SLC4A10: variants seen among roughly 807,000 people sequenced by gnomAD.
SLC4A10 encodes sodium-driven chloride bicarbonate exchanger.
SLC4A10 carries 42 observed loss-of-function variants against 137.7 expected under a neutral mutation model. The ratio of observed to expected loss-of-function variants is 0.30; its 90% CI spans 0.24 to 0.39. The LOEUF is 0.39. Among genes scored for constraint, SLC4A10 ranks in the 10% least tolerant of loss-of-function variants. The pLI is 1.00. For missense variants in SLC4A10, 925 were observed against 1,355.0 expected, an observed-to-expected ratio of 0.68 and a Z score of 4.98; for synonymous variants, 474 against 464.1, an observed-to-expected ratio of 1.02 and a Z score of -0.27.
At chr2:161,626,999 T>G (rs2032520894) in intron 1 of SLC4A10, among the ~76,000 whole-genome samples, 1 of 152,130 alleles carries the variant, frequency 6.6e-6, no homozygotes, top group Non-Finnish European at 1.5e-5. Flanking sequence ...TTATTTGTTA[T>G]ATGATATTGG....
chr2:161,937,642 T>C (rs776347794), intron 15 of SLC4A10, among the ~76,000 whole-genome samples: 1 of 152,212 alleles, frequency 6.6e-6, no homozygotes, highest in East Asian at 1.9e-4. Flanking sequence ...ATTTCTCTCC[T>C]GCATTTAAAG....
chr2:161,716,559 G>C (rs896476579), intron 1 of SLC4A10, among the ~76,000 whole-genome samples: 1 of 151,696 alleles, frequency 6.6e-6, no homozygotes, highest in Non-Finnish European at 1.5e-5. Flanking sequence ...TTATTAAATA[G>C]GGAATCCTTT....
At position 161,958,549 on chromosome 2, in the gene SLC4A10, A is replaced by G. The variant is rs749922088; in HGVS notation, c.2856A>G (p.Gly952=). The change falls in exon 21 of 27, where the codon GGA becomes GGG. Residue 952 remains glycine (G), a synonymous_variant. Transcript: ENST00000446997. ...ATATGGGTGCTTCATCTCTAAAGGG[A>G]ATTCAGGTAAATTACTTACAGTACT... is the stretch of plus-strand genomic sequence containing the variant. ...FLYMGASSLK[G]IQFFDRIKLF... 6.2e-7 allele frequency: 1 copy of G among 1,607,486 alleles called. No individual in the cohort carries two copies. The highest frequency in any genetic ancestry group is 2.2e-5 in the East Asian group (1 of 44,642).
intron 1 of SLC4A10, chr2:161,710,829 G>C (rs1473717550): frequency 2.7e-6 from 1 of 366,870 alleles, no homozygotes; most frequent in East Asian, 7.5e-5. Flanking sequence ...GGATGATACT[G>C]TATGTATTTG....
chr2:161,888,137 T>A (rs1308723065), intron 10 of SLC4A10, among the ~76,000 whole-genome samples: 10 of 152,050 alleles, frequency 6.6e-5, no homozygotes, highest in Admixed American at 5.9e-4. Context: ...ATTTCTGAGG[T>A]CTCTGTTCTG....
At chr2:161,939,042 T>A (rs949634982) in intron 15 of SLC4A10, among the ~76,000 whole-genome samples, 1 of 152,130 alleles carries the variant, frequency 6.6e-6, no homozygotes, top group Non-Finnish European at 1.5e-5. Flanking sequence ...ACAAATTTAC[T>A]TTTTGCTCTT....
chr2:161,668,850 T>A (rs1341196885), intron 1 of SLC4A10, among the ~76,000 whole-genome samples: 1 of 151,898 alleles, frequency 6.6e-6, no homozygotes, highest in East Asian at 1.9e-4. Flanking sequence ...ACATTTAGTT[T>A]GTGCAGAGAG....
Position 161,636,740 on chromosome 2 carries a change from A to G in SLC4A10, c.48+12174A>G, listed in dbSNP as rs1352974145. On this transcript the variant is annotated intron_variant, in intron 1 of 26. Transcript: ENST00000446997. ...GGTCTTGCTCTGTCACCCAGGCTGG[A>G]GTTTAGTCGTGCAATCATGGTTCAC... Among the ~76,000 whole-genome samples, 3 of 151,922 alleles carry G rather than the reference A, an allele frequency of 2.0e-5. No individual in the cohort carries two copies. The East Asian group carries it at 5.8e-4, about 29-fold the overall frequency.
chr2:161,947,765 A>C, intron 17 of SLC4A10, 38 bp downstream of exon 17: 1 of 1,589,304 alleles, frequency 6.3e-7, no homozygotes, highest in Non-Finnish European at 8.6e-7. Context: ...GTAAAATAAC[A>C]TAGGACAAAA....
chr2:161,967,744 G>T (rs78193237), intron 23 of SLC4A10, among the ~76,000 whole-genome samples: 2,004 of 151,940 alleles, frequency 0.013, 40 homozygotes, highest in East Asian at 0.099. Flanking sequence ...TAGAAGTTTG[G>T]TGATGTTTTT....
intron 4 of SLC4A10, among the ~76,000 whole-genome samples, chr2:161,849,231 T>C (rs1278827827): frequency 2.6e-5 from 4 of 152,096 alleles, no homozygotes; most frequent in Non-Finnish European, 5.9e-5. Context: ...TATAAACATA[T>C]ACCATTTGCA....
At chr2:161,868,062 AT>A (rs994994544) in intron 6 of SLC4A10, among the ~76,000 whole-genome samples, 11 of 152,070 alleles carry the variant, frequency 7.2e-5, no homozygotes, top group African/African-American at 2.4e-4. Context: ...ATAATGATAC[AT>A]TTATGCAATA....
intron 12 of SLC4A10, chr2:161,901,936 TA>T (rs1473849821): frequency 7.2e-6 from 3 of 415,162 alleles, no homozygotes; most frequent in South Asian, 1.8e-5. Flanking sequence ...TTTTTGGTGG[TA>T]TTTTTTTTCT....
intron 3 of SLC4A10, among the ~76,000 whole-genome samples, chr2:161,820,995 T>A (rs1246948663): frequency 1.3e-5 from 2 of 152,216 alleles, no homozygotes; most frequent in Non-Finnish European, 2.9e-5. Context: ...AGGTATGTAA[T>A]TATATCTTAT....
intron 8 of SLC4A10, 85 bp downstream of exon 8, chr2:161,874,090 G>T: frequency 7.6e-7 from 1 of 1,310,906 alleles, no homozygotes; most frequent in Admixed American, 2.0e-5. Context: ...CATTAAGCCA[G>T]TTGAAATGTA....
chr2:161,789,913 A>G (rs2054026972), intron 2 of SLC4A10, among the ~76,000 whole-genome samples: 2 of 152,198 alleles, frequency 1.3e-5, no homozygotes, highest in Admixed American at 6.5e-5. Context: ...AAATCTTTAC[A>G]TAAGGTAGGT....
At chr2:161,776,478 CAT>C (rs934172434) in intron 2 of SLC4A10, among the ~76,000 whole-genome samples, 55 of 151,976 alleles carry the variant, frequency 3.6e-4, no homozygotes, top group Non-Finnish European at 5.3e-4. Flanking sequence ...TCATGACTGA[CAT>C]ATTTTATTTA....
intron 1 of SLC4A10, among the ~76,000 whole-genome samples, chr2:161,653,472 A>G (rs2037091162): frequency 1.3e-5 from 2 of 152,196 alleles, no homozygotes; most frequent in South Asian, 4.1e-4. Context: ...AACAGTGTAA[A>G]AGCATTCCCA....
chr2:161,726,222 T>C (rs939952468), intron 1 of SLC4A10, among the ~76,000 whole-genome samples: 2 of 152,150 alleles, frequency 1.3e-5, no homozygotes, highest in African/African-American at 4.8e-5. Flanking sequence ...ATAATAATAG[T>C]AAGAGTAACT....
Sources: gnomAD v4.1 joint callset for allele counts (sites outside exome capture counted in the v4.1 genomes callset) on GRCh38, gnomAD v4.1.1 for gene constraint, MANE v1.5 for transcripts, NCBI Gene and HGNC (gene_info 2026-07-23, HGNC 2026-07-21) for gene names.